ARHGEF4: variants seen among roughly 807,000 people sequenced by gnomAD.
The protein encoded by ARHGEF4 is Rho guanine nucleotide exchange factor 4.
Under a neutral mutation model 162.0 loss-of-function variants are expected in ARHGEF4, and 119 were observed. That is an observed-to-expected ratio of 0.73 (90% CI 0.63 to 0.86). The LOEUF (loss-of-function observed/expected upper bound fraction) is 0.86, where lower values mean the gene tolerates loss of function less well. Ranked by LOEUF, ARHGEF4 falls within the 40% of genes least tolerant of loss-of-function variation. The pLI is 0.00. For missense variants in ARHGEF4, 2,488 were observed against 2,456.0 expected (o/e 1.01, Z -0.28); for synonymous variants, 1,014 against 979.9 (o/e 1.03, Z -0.65).
At position 130,914,492 on chromosome 2, in the gene ARHGEF4, G is replaced by A. The variant is rs1574219251; in HGVS notation, c.546G>A (p.Gly182=). The A allele has an allele frequency of 2.1e-6, 3 of 1,432,930 alleles. No individual in the cohort carries two copies. Among genetic ancestry groups the A allele is most frequent in the East Asian group, 5.0e-5 (2 of 40,008 alleles). 88.8% of individuals were successfully genotyped at this position (1,432,930 alleles called of 1,614,324 possible). A position where few individuals can be genotyped will look rare whatever the true frequency, so the allele number is the denominator to read the frequency against. ...TGGCAGGGGTTCCCCGACACACAGG[G>A]TGCTGCTTACAGAGGGCCACAGACA... is the stretch of plus-strand genomic sequence containing the variant. ...SLLAGVPRHT[G]CCLQRATDSS... is the part of the protein sequence containing the mutation. The change falls in exon 2 of 14, where the codon GGG becomes GGA. Residue 182 remains glycine (G), a synonymous_variant. Coordinates refer to ENST00000409359, the MANE Select transcript of ARHGEF4 (RefSeq NM_001367493.1).
chr2:130,864,391 G>T (rs77480745), intron 1 of ARHGEF4, among the ~76,000 whole-genome samples: 2,161 of 152,238 alleles, frequency 0.014, 53 homozygotes, highest in African/African-American at 0.049. Context: ...TGGAGTGAGG[G>T]GTGAAGTGTT....
At chr2:130,878,460 C>T (rs1447803895) in intron 1 of ARHGEF4, among the ~76,000 whole-genome samples, 1 of 152,216 alleles carries the variant, frequency 6.6e-6, no homozygotes, top group Non-Finnish European at 1.5e-5. Flanking sequence ...AGAGCCAGCA[C>T]AGAGGGCCCA....
chr2:130,882,711 G>A (rs879163267), intron 1 of ARHGEF4, among the ~76,000 whole-genome samples: 1 of 151,924 alleles, frequency 6.6e-6, no homozygotes, highest in Non-Finnish European at 1.5e-5. Flanking sequence ...GAACACAGAC[G>A]CAGGGGACTT....
Position 131,046,214 on chromosome 2 carries a change from G to A in ARHGEF4, c.*25G>A, listed in dbSNP as rs1691249122. ...AACTGGTCCCTGCCTGACAGCACCT[G>A]CTGGGCCTTCCTGCCAGTGGCCCCC... On this transcript the variant is annotated 3_prime_UTR_variant, in exon 14 of 14. Transcript: ENST00000409359. 1 of 1,590,278 alleles carries A rather than the reference G, an allele frequency of 6.3e-7. No individual in the cohort carries two copies. Among genetic ancestry groups the A allele is most frequent in the Non-Finnish European group, 8.6e-7 (1 of 1,164,020 alleles).
chr2:131,041,464 T>C lies in ARHGEF4; in HGVS notation c.4895+2T>C, dbSNP rs780691041. The C allele has an allele frequency of 3.7e-6, 6 of 1,610,016 alleles. No homozygotes were observed. The highest frequency in any genetic ancestry group is 1.3e-5 in the African/African-American group (1 of 74,904). On this transcript the variant is annotated splice_donor_variant, in intron 9 of 13. Transcript: ENST00000409359. LOFTEE classifies it high-confidence loss of function. ...CAAATACACGCACCCCCAGCACAGG[T>C]AGGAGGGCACTGAGGCAGGGAGGCA... is the stretch of plus-strand genomic sequence containing the variant.
chr2:130,927,296 C>T (rs1403147053), intron 2 of ARHGEF4, among the ~76,000 whole-genome samples: 1 of 152,100 alleles, frequency 6.6e-6, no homozygotes, highest in Non-Finnish European at 1.5e-5. Flanking sequence ...GGGAGGAATG[C>T]CTCACTGACA....
chr2:130,935,936 A>G (rs185626298), intron 3 of ARHGEF4, among the ~76,000 whole-genome samples: 13 of 152,314 alleles, frequency 8.5e-5, no homozygotes, highest in Admixed American at 3.3e-4. Flanking sequence ...GTGGTGGTGC[A>G]TGCCTATAAT....
At chr2:130,884,548 C>T (rs72855931) in intron 1 of ARHGEF4, among the ~76,000 whole-genome samples, 3,186 of 152,180 alleles carry the variant, frequency 0.021, 98 homozygotes, top group East Asian at 0.12. Flanking sequence ...TTAGCAGCAG[C>T]GCACCTGATA....
At chr2:130,898,219 T>C (rs1156346982) in intron 1 of ARHGEF4, among the ~76,000 whole-genome samples, 1 of 151,674 alleles carries the variant, frequency 6.6e-6, no homozygotes, top group Non-Finnish European at 1.5e-5. Context: ...CTATCCAGAG[T>C]GTGAGGGTGG....
chr2:130,852,903 A>C (rs1681510615), intron 1 of ARHGEF4, among the ~76,000 whole-genome samples: 1 of 152,204 alleles, frequency 6.6e-6, no homozygotes. Flanking sequence ...CAGCCTTGGC[A>C]GCTGGGAGCT....
At chr2:130,911,199 C>G (rs2105044494) in intron 1 of ARHGEF4, among the ~76,000 whole-genome samples, 1 of 152,280 alleles carries the variant, frequency 6.6e-6, no homozygotes, top group East Asian at 1.9e-4. Context: ...GGCTGGTAGT[C>G]AGCAGTTCAC....
chr2:130,999,255 GC>G (rs1454537144), intron 4 of ARHGEF4, among the ~76,000 whole-genome samples: 3 of 149,514 alleles, frequency 2.0e-5, no homozygotes, highest in East Asian at 4.0e-4. Context: ...CTGGGTTCAC[GC>G]CCATTCTCCT....
chr2:130,964,759 G>A (rs1276449723), intron 4 of ARHGEF4, among the ~76,000 whole-genome samples: 2 of 152,216 alleles, frequency 1.3e-5, no homozygotes, highest in Admixed American at 6.5e-5. Context: ...CCCAGCGGAG[G>A]CAGCTGGTCC....
intron 3 of ARHGEF4, 90 bp downstream of exon 3, chr2:130,931,347 C>A: frequency 7.3e-7 from 1 of 1,378,262 alleles, no homozygotes; most frequent in Middle Eastern, 2.4e-4. Flanking sequence ...TTTTGCCTGA[C>A]TCTCCTGAGA....
chr2:130,967,777 G>A (rs185306073), intron 4 of ARHGEF4, among the ~76,000 whole-genome samples: 1 of 152,334 alleles, frequency 6.6e-6, no homozygotes, highest in Non-Finnish European at 1.5e-5. Flanking sequence ...CAAAAACATG[G>A]TTATACCAGA....
At chr2:131,007,959 C>T (rs928766484) in intron 4 of ARHGEF4, among the ~76,000 whole-genome samples, 5 of 151,220 alleles carry the variant, frequency 3.3e-5, no homozygotes, top group African/African-American at 7.3e-5. Flanking sequence ...ATTACAGGCA[C>T]CCACCACCCC....
intron 1 of ARHGEF4, among the ~76,000 whole-genome samples, chr2:130,909,011 T>G (rs1488716282): frequency 6.6e-6 from 1 of 152,128 alleles, no homozygotes; most frequent in African/African-American, 2.4e-5. Flanking sequence ...AGGATTAACA[T>G]GAACAAGGCT....
chr2:130,927,324 G>A (rs923040293), intron 2 of ARHGEF4, among the ~76,000 whole-genome samples: 10 of 152,188 alleles, frequency 6.6e-5, no homozygotes, highest in African/African-American at 2.4e-4. Flanking sequence ...GAGGATGGAA[G>A]ACTGGCCTCA....
At chr2:130,962,327 A>AG (rs1352752004) in intron 4 of ARHGEF4, among the ~76,000 whole-genome samples, 1 of 151,488 alleles carries the variant, frequency 6.6e-6, no homozygotes, top group African/African-American at 2.4e-5. Flanking sequence ...GGAGGAACTG[A>AG]GGAGGGGGCT....
Sources: allele counts gnomAD v4.1 joint callset (sites outside exome capture counted in the v4.1 genomes callset), GRCh38; gene constraint gnomAD v4.1.1; transcripts MANE v1.5; gene names NCBI Gene and HGNC (gene_info 2026-07-23, HGNC 2026-07-21).